Variants in TEAD4 observed in about 807,000 individuals in gnomAD.
The protein encoded by TEAD4 is TEA domain transcription factor 4, also known as transcriptional enhancer factor TEF-3.
A neutral mutation model predicts 52.4 loss-of-function variants in TEAD4; 36 were observed. The ratio of observed to expected loss-of-function variants is 0.69; its 90% confidence interval spans 0.53 to 0.91. The LOEUF (loss-of-function observed/expected upper bound fraction) is 0.91, where lower values mean the gene tolerates loss of function less well. Ranked by LOEUF, TEAD4 falls within the 40% of genes least tolerant of loss-of-function variation. The pLI, the probability that TEAD4 is intolerant of heterozygous loss-of-function variation, is 0.00. For synonymous variants in TEAD4, 220 were observed against 231.0 expected (o/e 0.95, Z 0.43); for missense variants, 508 against 583.9 (o/e 0.87, Z 1.34).
intron 2 of TEAD4, among the ~76,000 whole-genome samples, chr12:2,985,469 TTATTC>T (rs1565529430): frequency 6.6e-6 from 1 of 151,832 alleles, no homozygotes; most frequent in Non-Finnish European, 1.5e-5. Flanking sequence ...ATTTATATCT[TTATTC>T]TATAAGCCTT....
intron 5 of TEAD4, among the ~76,000 whole-genome samples, chr12:3,013,354 C>G (rs61917977): frequency 0.11 from 16,801 of 151,240 alleles, 1,758 homozygotes; most frequent in African/African-American, 0.27. Context: ...CCGTTCTGGT[C>G]AAAGCTAGGT....
chr12:3,026,632 A>G (rs1591596208), intron 10 of TEAD4, among the ~76,000 whole-genome samples: 1 of 152,346 alleles, frequency 6.6e-6, no homozygotes, highest in East Asian at 1.9e-4. Flanking sequence ...AACCCGGGAA[A>G]GGTACTTTTT....
chr12:2,987,831 T>A (rs1016608118), intron 2 of TEAD4, among the ~76,000 whole-genome samples: 1 of 151,658 alleles, frequency 6.6e-6, no homozygotes, highest in African/African-American at 2.4e-5. Flanking sequence ...TTTGGGAGGC[T>A]GAGGAGGAGG....
chr12:2,977,449 CT>C (rs1021140783), intron 2 of TEAD4, among the ~76,000 whole-genome samples: 4 of 152,230 alleles, frequency 2.6e-5, no homozygotes, highest in South Asian at 2.1e-4. Flanking sequence ...GCCTCCCCCC[CT>C]CTCACCTGCT....
At chr12:2,976,637 G>T (rs12296291) in intron 2 of TEAD4, among the ~76,000 whole-genome samples, 99,776 of 152,088 alleles carry the variant, frequency 0.66, 36,268 homozygotes, top group Non-Finnish European at 0.82. Flanking sequence ...GGGGCCTGCA[G>T]ATACCCACGC....
chr12:2,965,767 A>G (rs544627523), intron 2 of TEAD4, among the ~76,000 whole-genome samples: 72 of 151,646 alleles, frequency 4.7e-4, no homozygotes, highest in Admixed American at 7.2e-4. Context: ...GATGGTCTTG[A>G]TCTCTCTACC....
intron 10 of TEAD4, among the ~76,000 whole-genome samples, chr12:3,035,298 G>A (rs1338581135): frequency 1.3e-5 from 2 of 152,150 alleles, no homozygotes; most frequent in African/African-American, 4.8e-5. Context: ...TAAAATCTGA[G>A]GGTCACCACC....
In TEAD4 at chr12:3,040,460, C is replaced by T; in HGVS notation, c.1287C>T (p.Tyr429=). ...AGCACGGGGCTCAGCACCACATCTA[C>T]AGGCTGGTGAAAGAATGAGAGACTC... The change falls in exon 13 of 13, where the codon TAC becomes TAT. Residue 429 remains tyrosine, a synonymous_variant. Transcript: ENST00000359864. The T allele has an allele frequency of 1.2e-6, 2 of 1,614,030 alleles. No homozygotes were observed. Among genetic ancestry groups the T allele is most frequent in the Non-Finnish European group, 8.5e-7 (1 of 1,179,998 alleles).
Position 3,040,209 on chromosome 12 carries a change from C to T in TEAD4, c.1141C>T (p.Pro381Ser), listed in dbSNP as rs2098281863. ...CTTCATCCACAAGCTCAAGCACCTC[C>T]CTGAGAAGTACATGATGAACAGCGT... The change falls in exon 12 of 13, where the codon CCT becomes TCT. Residue 381 changes from proline to serine, a missense_variant. Pro to Ser is a moderately conservative substitution (Grantham distance 74). Transcript: ENST00000359864. 1.9e-6 allele frequency: 3 copies of T among 1,614,116 alleles called. No individual in the cohort carries two copies. Among genetic ancestry groups the T allele is most frequent in the Non-Finnish European group, 2.5e-6 (3 of 1,180,052 alleles).
At chr12:3,029,027 TA>T (rs2098273791) in intron 10 of TEAD4, among the ~76,000 whole-genome samples, 1 of 152,152 alleles carries the variant, frequency 6.6e-6, no homozygotes, top group Non-Finnish European at 1.5e-5. Context: ...ATATGATTTG[TA>T]ATTATTATTT....
At chr12:3,031,822 G>T (rs762947744) in intron 10 of TEAD4, among the ~76,000 whole-genome samples, 7 of 152,172 alleles carry the variant, frequency 4.6e-5, no homozygotes, top group Non-Finnish European at 8.8e-5. Context: ...CCAGACCACG[G>T]GTCCATACCT....
At chr12:2,995,721 G>A (rs1305334727) in intron 3 of TEAD4, among the ~76,000 whole-genome samples, 3 of 152,180 alleles carry the variant, frequency 2.0e-5, no homozygotes, top group Non-Finnish European at 4.4e-5. Context: ...ATGAAGCAGG[G>A]GCTGGGCATG....
At chr12:2,985,501 C>CTTTTTTTTTTT (rs560522260) in intron 2 of TEAD4, among the ~76,000 whole-genome samples, 1 of 83,014 alleles carries the variant, frequency 1.2e-5, no homozygotes, top group Admixed American at 1.8e-4. Context: ...TTTACAAAAT[C>CTTTTTTTTTTT]TTTTTTTTTT....
intron 11 of TEAD4, among the ~76,000 whole-genome samples, chr12:3,039,108 G>A (rs758088688): frequency 6.6e-6 from 1 of 152,178 alleles, no homozygotes; most frequent in Non-Finnish European, 1.5e-5. Context: ...GCACCAGGGA[G>A]GAGACATTAC....
rs935460756 is a variant in TEAD4 at position 2,959,618 on chromosome 12, T to G, written c.-123+137T>G. 6.6e-6 allele frequency: 1 copy of G among 150,982 alleles called. No individual in the cohort carries two copies. The highest frequency in any genetic ancestry group is 2.4e-5 in the African/African-American group (1 of 41,230). 9.4% of individuals were successfully genotyped at this position (150,982 alleles called of 1,614,324 possible). The stretch of plus-strand genomic sequence containing the variant: ...CGCCCGCGTTCCCGCCTTGGACCTC[T>G]GCGCTCCGACGCGCTCCGTCCCGAC... On this transcript the variant is annotated intron_variant, in intron 1 of 12. Transcript: ENST00000359864. This position sits in a 1 kb window ranked among gnomAD's most constrained non-coding sequence, Gnocchi z 5.1.
At chr12:2,965,486 TAA>T (rs1370799281) in intron 2 of TEAD4, among the ~76,000 whole-genome samples, 2 of 146,500 alleles carry the variant, frequency 1.4e-5, no homozygotes, top group Admixed American at 1.4e-4. Flanking sequence ...GTAGCCACCT[TAA>T]AAAAAAAAAG....
At chr12:3,023,637 A>C (rs905455303) in intron 10 of TEAD4, among the ~76,000 whole-genome samples, 2 of 151,644 alleles carry the variant, frequency 1.3e-5, no homozygotes, top group African/African-American at 4.8e-5. Context: ...AAAAAAAAAA[A>C]AAAATTAGAC....
At chr12:3,010,070 C>G (rs2098259066) in intron 3 of TEAD4, among the ~76,000 whole-genome samples, 1 of 152,220 alleles carries the variant, frequency 6.6e-6, no homozygotes, top group Admixed American at 6.5e-5. Context: ...CTCAAACCCT[C>G]TTGCTCTGCC....
At chr12:2,995,305 G>T (rs920536604) in intron 3 of TEAD4, among the ~76,000 whole-genome samples, 2 of 152,178 alleles carry the variant, frequency 1.3e-5, no homozygotes, top group African/African-American at 4.8e-5. Context: ...ACCCCAGCAG[G>T]TGCCTGACCA....
Sources: allele counts gnomAD v4.1 joint callset (sites outside exome capture counted in the v4.1 genomes callset), GRCh38; gene constraint gnomAD v4.1.1; non-coding constraint Gnocchi (gnomAD v3.1); transcripts MANE v1.5; gene names NCBI Gene and HGNC (gene_info 2026-07-23, HGNC 2026-07-21).